Variants in TRIO observed in about 807,000 individuals in gnomAD.
TRIO encodes the protein trio Rho guanine nucleotide exchange factor, also known as triple functional domain protein.
TRIO carries 58 observed loss-of-function variants against 351.9 expected under a neutral mutation model. The ratio of observed to expected loss-of-function variants is 0.16; its 90% CI spans 0.13 to 0.21. The LOEUF (loss-of-function observed/expected upper bound fraction) is 0.21, where lower values mean the gene tolerates loss of function less well. Among genes scored for constraint, TRIO ranks in the 10% least tolerant of loss-of-function variants. The pLI is 1.00. For missense variants in TRIO, 3,201 were observed against 4,027.8 expected (o/e 0.79, Z 5.56); for synonymous variants, 1,758 against 1,595.7 (o/e 1.10, Z -2.42).
Position 14,318,279 on chromosome 5 carries a change from CAAAAAA to C in TRIO, c.1731+1557_1731+1562del, listed in dbSNP as rs759632595. Among the ~76,000 whole-genome samples the C allele has an allele frequency of 6.5e-3, 302 of 46,488 alleles. 2 individuals carry two copies. The highest frequency in any genetic ancestry group is 0.022 in the African/African-American group (280 of 12,508). 30.5% of individuals were successfully genotyped at this position (46,488 alleles called of 152,430 possible). ...ATTGCACTCCAGCAAGACTCTATCT[CAAAAAA>C]AAAAAAAAAAAAAAAAAAAATTAGC... On this transcript the variant is annotated intron_variant, in intron 9 of 56. Coordinates refer to ENST00000344204, the MANE Select transcript of TRIO (RefSeq NM_007118.4).
At chr5:14,143,904 C>G in intron 1 of TRIO, 22 bp downstream of exon 1, 1 of 1,068,932 alleles carries the variant, frequency 9.4e-7, no homozygotes, top group South Asian at 4.4e-5. Flanking sequence ...TGCGGCCGGC[C>G]CGCCCAGCGG....
intron 2 of TRIO, among the ~76,000 whole-genome samples, chr5:14,271,917 T>C (rs1795997834): frequency 6.6e-6 from 1 of 152,236 alleles, no homozygotes; most frequent in Admixed American, 6.5e-5. Flanking sequence ...TGTTCAGTAA[T>C]ATTTCTTGGC....
At chr5:14,484,774 C>A (rs764452241) in intron 46 of TRIO, among the ~76,000 whole-genome samples, 1 of 152,134 alleles carries the variant, frequency 6.6e-6, no homozygotes, top group African/African-American at 2.4e-5. Context: ...TTCCCCACCC[C>A]CAAGCCCCTG....
chr5:14,353,404 A>T (rs1353337369), intron 11 of TRIO, among the ~76,000 whole-genome samples: 2 of 151,746 alleles, frequency 1.3e-5, no homozygotes, highest in East Asian at 3.9e-4. Context: ...CTGGGACTAC[A>T]TGTGTGTGCC....
At chr5:14,209,550 G>A (rs1384664763) in intron 1 of TRIO, among the ~76,000 whole-genome samples, 3 of 152,040 alleles carry the variant, frequency 2.0e-5, no homozygotes, top group Admixed American at 6.5e-5. Flanking sequence ...TGCTTGTATC[G>A]TACTGGGTTA....
At chr5:14,154,072 A>G (rs937686049) in intron 1 of TRIO, among the ~76,000 whole-genome samples, 2 of 152,112 alleles carry the variant, frequency 1.3e-5, no homozygotes, top group East Asian at 1.9e-4. Context: ...CGGTGGAGGC[A>G]TGTTGGCTCT....
chr5:14,299,556 A>C (rs1737676613), intron 7 of TRIO, among the ~76,000 whole-genome samples: 2 of 152,206 alleles, frequency 1.3e-5, no homozygotes, highest in African/African-American at 4.8e-5. Flanking sequence ...AAGAAAAGTA[A>C]GATCCTTGAA....
At position 14,266,101 on chromosome 5, in the gene TRIO, C is replaced by T. The variant is rs574952904; in HGVS notation, c.158-4724C>T. 3.3e-5 allele frequency among the ~76,000 whole-genome samples: 5 copies of T among 151,090 alleles called. 1 individual carries two copies. Among genetic ancestry groups the T allele is most frequent in the East Asian group, 1.9e-4 (1 of 5,158 alleles). ...TTTTGGAGACAGAGTCTCGCTCTGC[C>T]GTCCAGGTAAGCAGTGGCATGATCT... On this transcript the variant is annotated intron_variant, in intron 1 of 56. Transcript: ENST00000344204.
rs200172099 is a variant in TRIO, at chr5:14,150,566, TAAGAC to T, written c.157+6691_157+6695del. On this transcript the variant is annotated intron_variant, in intron 1 of 56. Coordinates refer to ENST00000344204, the MANE Select transcript of TRIO (RefSeq NM_007118.4). The stretch of plus-strand genomic sequence containing the variant: ...TAGTAAAGGGCTCCCTCAAATCAAT[TAAGAC>T]AAGACATATCTAGAAAGAAAATAGG... Among the ~76,000 whole-genome samples the T allele has an allele frequency of 7.1e-3, 1,075 of 152,096 alleles. 9 individuals carry two copies. The highest frequency in any genetic ancestry group is 0.024 in the African/African-American group (1,006 of 41,454).
At chr5:14,480,078 G>A (rs1049275716) in intron 43 of TRIO, 67 bp downstream of exon 43, 28 of 1,452,580 alleles carry the variant, frequency 1.9e-5, no homozygotes, top group Non-Finnish European at 2.7e-5. Context: ...GACTCAGTTG[G>A]GGAAAGAAGG....
chr5:14,447,669 C>G (rs1161915697), intron 34 of TRIO, among the ~76,000 whole-genome samples: 8 of 152,134 alleles, frequency 5.3e-5, no homozygotes, highest in African/African-American at 1.9e-4. Context: ...ACAAAGCAGC[C>G]AAAGTGATTT....
intron 11 of TRIO, among the ~76,000 whole-genome samples, chr5:14,340,668 C>T (rs1314169430): frequency 6.6e-6 from 1 of 152,164 alleles, no homozygotes; most frequent in Admixed American, 6.5e-5. Context: ...GTGATGTTTA[C>T]TGAGCATTAG....
chr5:14,246,122 A>G (rs1000289507), intron 1 of TRIO, among the ~76,000 whole-genome samples: 1 of 152,238 alleles, frequency 6.6e-6, no homozygotes, highest in Non-Finnish European at 1.5e-5. Context: ...TCTATCTGAT[A>G]AACAGCTACA....
intron 13 of TRIO, 114 bp downstream of exon 13, chr5:14,359,645 C>T (rs564658025): frequency 2.4e-6 from 3 of 1,245,082 alleles, no homozygotes; most frequent in Non-Finnish European, 3.3e-6. Flanking sequence ...ACCCACACCC[C>T]AACCCTCTGC....
At position 14,177,884 on chromosome 5, in the gene TRIO, C is replaced by T. The variant is rs140546053; in HGVS notation, c.157+34002C>T. Among the ~76,000 whole-genome samples, 260 of 152,336 alleles carry T rather than the reference C, an allele frequency of 1.7e-3. 1 individual carries two copies. The highest frequency in any genetic ancestry group is 5.9e-3 in the African/African-American group (247 of 41,568). On this transcript the variant is annotated intron_variant, in intron 1 of 56. Transcript: ENST00000344204. Reference sequence around the variant, plus strand: ...CCATTATTAAACAGAAAAGCAAAATCGGTCCTCACCATACCGTGGCTTGGC... The same window carrying T: ...CCATTATTAAACAGAAAAGCAAAATTGGTCCTCACCATACCGTGGCTTGGC...
intron 24 of TRIO, 147 bp downstream of exon 24, chr5:14,388,826 G>C: frequency 2.2e-6 from 2 of 922,158 alleles, no homozygotes; most frequent in East Asian, 2.6e-5. Context: ...TCAGCAGCCG[G>C]TTTCATGTTT....
intron 34 of TRIO, among the ~76,000 whole-genome samples, chr5:14,459,340 A>T (rs966671381): frequency 5.9e-5 from 9 of 152,250 alleles, no homozygotes; most frequent in Non-Finnish European, 1.2e-4. Flanking sequence ...GCAAAGGAGT[A>T]GCTCACAAGA....
chr5:14,303,866 T>G (rs1003410886), intron 7 of TRIO, among the ~76,000 whole-genome samples: 2 of 152,176 alleles, frequency 1.3e-5, no homozygotes, highest in Non-Finnish European at 2.9e-5. Flanking sequence ...TCAGGCCCCT[T>G]TTTCTTGGTC....
rs375468985 is a variant in TRIO, at chr5:14,299,136, T to A, written c.1368+1873T>A. Among the ~76,000 whole-genome samples, 5 of 152,328 alleles carry A rather than the reference T, an allele frequency of 3.3e-5. No homozygotes were observed. The South Asian group carries it at 1.0e-3, about 32-fold the overall frequency. On this transcript the variant is annotated intron_variant, in intron 7 of 56. Coordinates refer to ENST00000344204, the MANE Select transcript of TRIO (RefSeq NM_007118.4). ...TGAAAATAATCTAGAAACATGGGTG[T>A]CATGGGGCATTTTCCTTCCAGTGTT...
Sources: allele counts gnomAD v4.1 joint callset (sites outside exome capture counted in the v4.1 genomes callset), GRCh38; gene constraint gnomAD v4.1.1; transcripts MANE v1.5; gene names NCBI Gene and HGNC (gene_info 2026-07-23, HGNC 2026-07-21).